The following IL34 variants were observed in gnomAD, a reference collection of about 807,000 sequenced individuals.
IL34 encodes interleukin-34.
In IL34, 17 loss-of-function variants were observed where a neutral mutation model predicts 25.3. The ratio of observed to expected loss-of-function variants is 0.67; its 90% CI spans 0.46 to 1.01. IL34 has a LOEUF of 1.01. Among genes scored for constraint, IL34 ranks in the 50% least tolerant of loss-of-function variants. The pLI, the probability that IL34 is intolerant of heterozygous loss-of-function variation, is 0.00. For synonymous variants in IL34, 174 were observed against 140.9 expected, an observed-to-expected ratio of 1.23 and a Z score of -1.66; for missense variants, 368 against 312.9, an observed-to-expected ratio of 1.18 and a Z score of -1.33.
chr16:70,625,287 T>C (rs930179281), intron 1 of IL34, among the ~76,000 whole-genome samples: 3 of 142,076 alleles, frequency 2.1e-5, no homozygotes, highest in African/African-American at 8.0e-5. Flanking sequence ...CATAGAGATA[T>C]GGAGGGAAGG....
At chr16:70,600,680 C>T (rs754773754) in intron 1 of IL34, among the ~76,000 whole-genome samples, 13 of 152,170 alleles carry the variant, frequency 8.5e-5, no homozygotes, top group Non-Finnish European at 1.5e-4. Context: ...TACAATCAGT[C>T]GTGCATTAGG....
rs1024630832 is a variant in IL34 at position 70,656,971 on chromosome 16, G to C, written c.252G>C (p.Gln84His). Residue 84 changes from glutamine to histidine, a missense_variant, in exon 4 of 6, where the codon CAG (glutamine) becomes CAC (histidine). Gln to His is a conservative substitution (Grantham distance 24). Coordinates refer to ENST00000288098, the MANE Select transcript of IL34 (RefSeq NM_001393494.1). ...CCCTGTTTCCGCAGCAGAGGGCCCAGGTGAGCGAGCGGGAGCTGCGGTATC... is the reference window on the plus strand; with the variant it reads ...CCCTGTTTCCGCAGCAGAGGGCCCACGTGAGCGAGCGGGAGCTGCGGTATC... ...IANVTRLQRA[Q>H]VSERELRYLW... The C allele has an allele frequency of 6.2e-7, 1 of 1,609,400 alleles. No individual in the cohort carries two copies. Among genetic ancestry groups the C allele is most frequent in the South Asian group, 1.1e-5 (1 of 90,724 alleles).
chr16:70,618,288 G>A (rs1246217787), intron 1 of IL34, among the ~76,000 whole-genome samples: 1 of 151,878 alleles, frequency 6.6e-6, no homozygotes, highest in African/African-American at 2.4e-5. Flanking sequence ...GGGAAATGGG[G>A]TTAATGTCAG....
intron 1 of IL34, among the ~76,000 whole-genome samples, chr16:70,651,910 G>A (rs576910707): frequency 1.3e-5 from 2 of 152,126 alleles, no homozygotes; most frequent in African/African-American, 4.8e-5. Flanking sequence ...TGGATCACGA[G>A]GTCAGCAGTT....
chr16:70,611,508 G>C (rs1167788532), intron 1 of IL34, among the ~76,000 whole-genome samples: 3 of 152,150 alleles, frequency 2.0e-5, no homozygotes, highest in African/African-American at 7.2e-5. Flanking sequence ...CAGCCTTCGG[G>C]CTGGGTGCAG....
chr16:70,632,347 C>G (rs1236477161), intron 1 of IL34, among the ~76,000 whole-genome samples: 2 of 152,142 alleles, frequency 1.3e-5, no homozygotes, highest in Non-Finnish European at 2.9e-5. Context: ...AAATGACGGG[C>G]CTGTTCTCAA....
rs1425621218 is a variant in IL34 at position 70,657,119 on chromosome 16, A to G, written c.400A>G (p.Thr134Ala). ...TLLLNVQQGL[T>A]DVEVSPKVES... ...GCTGCTGAATGTCCAGCAGGGCCTC[A>G]CGGTGAGTTGTGTGGAGGAGTGGCA... is the stretch of plus-strand genomic sequence containing the variant. The change falls in exon 4 of 6, where the codon ACG becomes GCG. Residue 134 changes from threonine (T) to alanine (A), a missense_variant and splice_region_variant. Thr to Ala is a moderately conservative substitution (Grantham distance 58). Transcript: ENST00000288098. 1 of 1,612,412 alleles carries G rather than the reference A, an allele frequency of 6.2e-7. No individual in the cohort carries two copies.
intron 1 of IL34, among the ~76,000 whole-genome samples, chr16:70,607,032 G>C (rs1327873294): frequency 2.0e-5 from 3 of 152,126 alleles, no homozygotes; most frequent in African/African-American, 7.2e-5. Flanking sequence ...ATGTCGATCT[G>C]GTGTCCTGAA....
intron 1 of IL34, among the ~76,000 whole-genome samples, chr16:70,620,493 C>G (rs1323404992): frequency 2.0e-5 from 3 of 151,806 alleles, no homozygotes; most frequent in Non-Finnish European, 4.4e-5. Context: ...AGAATTGGGA[C>G]CTAGCTCAGC....
intron 1 of IL34, among the ~76,000 whole-genome samples, chr16:70,594,064 C>G (rs774991314): frequency 2.0e-5 from 3 of 152,176 alleles, no homozygotes; most frequent in Non-Finnish European, 4.4e-5. Context: ...CAGGGAGTGT[C>G]AGTTCTCTAA....
chr16:70,620,295 C>T (rs1297784185), intron 1 of IL34, among the ~76,000 whole-genome samples: 4 of 152,084 alleles, frequency 2.6e-5, no homozygotes, highest in Non-Finnish European at 4.4e-5. Context: ...AGAGCCTAAA[C>T]GCTATCTGAT....
At chr16:70,584,475 T>A (rs976896826) in intron 1 of IL34, among the ~76,000 whole-genome samples, 3 of 152,210 alleles carry the variant, frequency 2.0e-5, no homozygotes, top group African/African-American at 7.2e-5. Context: ...AGACTTCCAA[T>A]GTGGACTTCC....
chr16:70,584,691 C>T lies in IL34; in HGVS notation c.-401+4642C>T, dbSNP rs1186296249. Among the ~76,000 whole-genome samples, 3 of 151,574 alleles carry T rather than the reference C, an allele frequency of 2.0e-5. No homozygotes were observed. In the Admixed American group the frequency reaches 2.0e-4, roughly 10 times the overall value. On this transcript the variant is annotated intron_variant, in intron 1 of 6. Coordinates refer to the IL34 transcript ENST00000429149. The stretch of plus-strand genomic sequence containing the variant: ...ACTTTGCTGTTTCCTTGTCTTCCTG[C>T]TTTCTCTCTCTCTCTCTTTTTTTTT...
At chr16:70,598,214 C>G (rs1239730526) in intron 1 of IL34, among the ~76,000 whole-genome samples, 1 of 152,126 alleles carries the variant, frequency 6.6e-6, no homozygotes, top group African/African-American at 2.4e-5. Flanking sequence ...GTCTGCCCCC[C>G]AGAACTTCCT....
intron 1 of IL34, among the ~76,000 whole-genome samples, chr16:70,617,604 C>T (rs1354647280): frequency 6.6e-6 from 1 of 152,122 alleles, no homozygotes; most frequent in African/African-American, 2.4e-5. Flanking sequence ...CGAAGACAGG[C>T]CTGAATTCTG....
At chr16:70,602,931 A>G (rs954940577) in intron 1 of IL34, among the ~76,000 whole-genome samples, 7 of 152,006 alleles carry the variant, frequency 4.6e-5, no homozygotes, top group African/African-American at 1.2e-4. Context: ...CACCGCCAGC[A>G]TGAGTCCATG....
chr16:70,650,833 C>A (rs960020529), intron 1 of IL34, among the ~76,000 whole-genome samples: 1 of 152,142 alleles, frequency 6.6e-6, no homozygotes, highest in Non-Finnish European at 1.5e-5. Context: ...CAAGGGATGA[C>A]AATGTCTGCT....
At chr16:70,625,698 G>A (rs1005799300) in intron 1 of IL34, among the ~76,000 whole-genome samples, 5 of 152,146 alleles carry the variant, frequency 3.3e-5, no homozygotes, top group Non-Finnish European at 7.4e-5. Context: ...ACAGGCGCTG[G>A]AGTTTTGGGT....
chr16:70,630,654 A>T (rs12708905), intron 1 of IL34, among the ~76,000 whole-genome samples: 1 of 150,060 alleles, frequency 6.7e-6, no homozygotes, highest in Non-Finnish European at 1.5e-5. Context: ...GCTCACTGCA[A>T]CCTCAGTCTC....
Sources: gnomAD v4.1 joint callset for allele counts (sites outside exome capture counted in the v4.1 genomes callset) on GRCh38, gnomAD v4.1.1 for gene constraint, MANE v1.5 for transcripts, NCBI Gene and HGNC (gene_info 2026-07-23, HGNC 2026-07-21) for gene names.